AGBL4: variants seen among roughly 807,000 people sequenced by gnomAD.
AGBL4 encodes the protein cytosolic carboxypeptidase 6.
In AGBL4, 58 loss-of-function variants were observed where a neutral mutation model predicts 66.4. The ratio of observed to expected loss-of-function variants is 0.87; its 90% confidence interval spans 0.71 to 1.09. The LOEUF (loss-of-function observed/expected upper bound fraction) is 1.09. Among genes scored for constraint, AGBL4 ranks in the 50% least tolerant of loss-of-function variants. AGBL4 has a pLI of 0.00. For missense variants in AGBL4, 579 were observed against 631.0 expected, an observed-to-expected ratio of 0.92 and a Z score of 0.88; for synonymous variants, 234 against 222.9, an observed-to-expected ratio of 1.05 and a Z score of -0.44.
rs117736432 is a variant in AGBL4, at chr1:48,563,293, T to C, written c.1268-23555A>G. Among the ~76,000 whole-genome samples, 182 of 152,340 alleles carry C rather than the reference T, an allele frequency of 1.2e-3. 1 individual carries two copies. In the East Asian group the frequency reaches 0.022, roughly 19 times the overall value. ...TAGATGCAGAATTTCAAAGGTTTCCTAGTTGTAGGCCAAGGCAACCCATCT... is the reference window on the plus strand; with the variant it reads ...TAGATGCAGAATTTCAAAGGTTTCCCAGTTGTAGGCCAAGGCAACCCATCT... On this transcript the variant is annotated intron_variant, in intron 11 of 13. Transcript: ENST00000371839.
chr1:49,555,521 T>C (rs1256115176), intron 3 of AGBL4, among the ~76,000 whole-genome samples: 3 of 144,398 alleles, frequency 2.1e-5, no homozygotes, highest in Non-Finnish European at 4.5e-5. Flanking sequence ...TAAAGGCTTG[T>C]AAATGCACCA....
chr1:49,219,037 C>T (rs1461049563), intron 4 of AGBL4, among the ~76,000 whole-genome samples: 1 of 152,110 alleles, frequency 6.6e-6, no homozygotes, highest in Non-Finnish European at 1.5e-5. Flanking sequence ...GAGTATGTCT[C>T]TATCAGCAGC....
At chr1:49,003,691 C>T (rs1173350035) in intron 5 of AGBL4, among the ~76,000 whole-genome samples, 1 of 152,160 alleles carries the variant, frequency 6.6e-6, no homozygotes, top group African/African-American at 2.4e-5. Flanking sequence ...TCTTGCCTCC[C>T]ACACTAGACT....
At chr1:50,003,194 T>C (rs1245779298) in intron 1 of AGBL4, among the ~76,000 whole-genome samples, 3 of 152,336 alleles carry the variant, frequency 2.0e-5, no homozygotes, top group Non-Finnish European at 4.4e-5. Flanking sequence ...AATAAAGCTA[T>C]ATAAAAGTTA....
At chr1:49,438,878 A>G (rs867486811) in intron 3 of AGBL4, among the ~76,000 whole-genome samples, 2 of 152,222 alleles carry the variant, frequency 1.3e-5, no homozygotes, top group Middle Eastern at 3.2e-3. Flanking sequence ...CAGAAGTCCA[A>G]TATAAAAGTG....
intron 5 of AGBL4, among the ~76,000 whole-genome samples, chr1:48,997,050 A>G (rs547703211): frequency 2.6e-5 from 4 of 152,068 alleles, no homozygotes; most frequent in East Asian, 3.9e-4. Context: ...AGCCTCCCCA[A>G]TAGCTGTGAT....
intron 3 of AGBL4, among the ~76,000 whole-genome samples, chr1:49,613,470 T>G (rs1326818143): frequency 6.6e-6 from 1 of 151,958 alleles, no homozygotes; most frequent in Non-Finnish European, 1.5e-5. Context: ...GGCAAGCGAG[T>G]GAAGCTTCAT....
At chr1:50,018,077 T>A (rs1215605331) in intron 1 of AGBL4, among the ~76,000 whole-genome samples, 1 of 152,188 alleles carries the variant, frequency 6.6e-6, no homozygotes, top group Admixed American at 6.5e-5. Flanking sequence ...GAGATTTATT[T>A]CTATAATATT....
chr1:49,614,434 C>A (rs1191235318), intron 3 of AGBL4, among the ~76,000 whole-genome samples: 1 of 152,006 alleles, frequency 6.6e-6, no homozygotes, highest in South Asian at 2.1e-4. Flanking sequence ...TATGAGGTAA[C>A]ACAATGTGTC....
At position 49,777,450 on chromosome 1, in the gene AGBL4, T is replaced by G. The variant is rs573132734; in HGVS notation, c.157+73946A>C. 2.0e-5 allele frequency among the ~76,000 whole-genome samples: 3 copies of G among 152,324 alleles called. No individual in the cohort carries two copies. The East Asian group carries it at 5.8e-4, about 29-fold the overall frequency. ...AAATCATTAAAATATATTTAGAATT[T>G]AATGCACAAACTTTTTACAGCACTT... On this transcript the variant is annotated intron_variant, in intron 2 of 13. Coordinates refer to ENST00000371839, the MANE Select transcript of AGBL4 (RefSeq NM_032785.4).
chr1:49,477,423 C>T (rs1486188959), intron 3 of AGBL4, among the ~76,000 whole-genome samples: 2 of 152,224 alleles, frequency 1.3e-5, no homozygotes, highest in East Asian at 1.9e-4. Context: ...TCAAGAGTCT[C>T]TGCCTGGTAA....
intron 6 of AGBL4, chr1:48,742,849 A>G (rs1650130914): frequency 2.9e-6 from 4 of 1,385,220 alleles, no homozygotes; most frequent in Non-Finnish European, 1.9e-6. Flanking sequence ...GGCATCTATC[A>G]GCACACCATG....
At chr1:49,578,652 G>T (rs544429671) in intron 3 of AGBL4, among the ~76,000 whole-genome samples, 1 of 152,236 alleles carries the variant, frequency 6.6e-6, no homozygotes, top group South Asian at 2.1e-4. Context: ...CTTCATATCA[G>T]CATTTAAGTA....
chr1:48,936,723 GGT>G (rs1477015728), intron 5 of AGBL4, among the ~76,000 whole-genome samples: 1 of 151,912 alleles, frequency 6.6e-6, no homozygotes, highest in Non-Finnish European at 1.5e-5. Flanking sequence ...GGCATTTTAC[GGT>G]TTGTTTGCAA....
At chr1:49,763,811 TAGCATC>T (rs1170423576) in intron 2 of AGBL4, among the ~76,000 whole-genome samples, 1 of 152,174 alleles carries the variant, frequency 6.6e-6, no homozygotes, top group Non-Finnish European at 1.5e-5. Context: ...CTGAGCAGAC[TAGCATC>T]AGTTGCTGTA....
intron 2 of AGBL4, among the ~76,000 whole-genome samples, chr1:49,794,266 T>C (rs1644677154): frequency 6.6e-6 from 1 of 151,926 alleles, no homozygotes; most frequent in Non-Finnish European, 1.5e-5. Flanking sequence ...ATGTACAGAA[T>C]ACTCTCACTT....
chr1:48,729,275 A>T (rs114137518), intron 6 of AGBL4, among the ~76,000 whole-genome samples: 2 of 152,238 alleles, frequency 1.3e-5, no homozygotes, highest in South Asian at 2.1e-4. Flanking sequence ...TTAAGTAAAC[A>T]TATGTTAAAT....
chr1:48,683,677 CT>C (rs1478113756), intron 6 of AGBL4, among the ~76,000 whole-genome samples: 1 of 152,222 alleles, frequency 6.6e-6, no homozygotes, highest in Non-Finnish European at 1.5e-5. Context: ...CCTCAAGGGA[CT>C]TCCTAATTCT....
chr1:48,544,323 A>G (rs1476589932), intron 11 of AGBL4, among the ~76,000 whole-genome samples: 1 of 152,254 alleles, frequency 6.6e-6, no homozygotes, highest in Non-Finnish European at 1.5e-5. Context: ...AGTAAGAGCT[A>G]CAGGGCAGAG....
Sources: gnomAD v4.1 joint callset for allele counts (sites outside exome capture counted in the v4.1 genomes callset) on GRCh38, gnomAD v4.1.1 for gene constraint, MANE v1.5 for transcripts, NCBI Gene and HGNC (gene_info 2026-07-23, HGNC 2026-07-21) for gene names.